Variants in RIOK3 observed in about 807,000 individuals in gnomAD.
RIOK3 encodes RIO kinase 3.
A neutral mutation model predicts 63.5 loss-of-function variants in RIOK3; 40 were observed. The ratio of observed to expected loss-of-function variants is 0.63; its 90% CI spans 0.49 to 0.82. RIOK3 has a LOEUF of 0.82. RIOK3 is among the 40% of genes least tolerant of loss of function. The pLI is 0.00. For synonymous variants in RIOK3, 193 were observed against 205.0 expected (o/e 0.94, Z 0.50); for missense variants, 557 against 637.0 (o/e 0.87, Z 1.35).
At chr18:23,475,386 C>A (rs2057482746) in intron 9 of RIOK3, among the ~76,000 whole-genome samples, 1 of 147,140 alleles carries the variant, frequency 6.8e-6, no homozygotes, top group South Asian at 2.1e-4. Flanking sequence ...TTGCTTGAAC[C>A]AGGGAGGTAG....
rs142282770 is a variant in RIOK3 at position 23,465,538 on chromosome 18, A to G, written c.544-595A>G. Among the ~76,000 whole-genome samples, 44 of 152,346 alleles carry G rather than the reference A, an allele frequency of 2.9e-4. 2 individuals are homozygous for G. The East Asian group carries it at 7.9e-3, about 27-fold the overall frequency. On this transcript the variant is annotated intron_variant, in intron 5 of 12. Coordinates refer to ENST00000339486, the MANE Select transcript of RIOK3 (RefSeq NM_003831.5). ...TCTAATTCTAGAAGAGTTCTGTCCAATAGAACTTTCTGTGGTAATGGAAAT... is the reference window on the plus strand; with the variant it reads ...TCTAATTCTAGAAGAGTTCTGTCCAGTAGAACTTTCTGTGGTAATGGAAAT...
intron 4 of RIOK3, 68 bp from the exon 5 acceptor site, chr18:23,464,451 A>G (rs938960365): frequency 1.6e-5 from 20 of 1,213,150 alleles, no homozygotes; most frequent in Non-Finnish European, 1.9e-5. Flanking sequence ...GTCTTTTCAG[A>G]CAACGTTGAA....
chr18:23,463,144 AT>A, intron 2 of RIOK3, 65 bp downstream of exon 2: 1 of 994,804 alleles, frequency 1.0e-6, no homozygotes, highest in East Asian at 2.5e-5. Flanking sequence ...TTGATGAGTA[AT>A]TGTCATGACA....
In RIOK3 at chr18:23,463,003, T is replaced by C. The variant is rs148323869; in HGVS notation, c.103T>C (p.Leu35=). 6.3e-5 allele frequency: 101 copies of C among 1,606,440 alleles called. No homozygotes were observed. The highest frequency in any genetic ancestry group is 8.5e-5 in the Non-Finnish European group (100 of 1,177,022). ...TCCTCAAAATACAATATCTTGTTCT[T>C]TGGCTGATGTAATGAGTGAACAGCT... ...AIPQNTISCS[L]ADVMSEQLAK... Residue 35 remains leucine, a synonymous_variant, in exon 2 of 13, where the codon TTG becomes CTG. Transcript: ENST00000339486.
intron 4 of RIOK3, 97 bp downstream of exon 4, chr18:23,464,410 C>T (rs2145678730): frequency 8.6e-7 from 1 of 1,167,426 alleles, no homozygotes; most frequent in Non-Finnish European, 1.2e-6. Flanking sequence ...TTCTTTGAAT[C>T]TCATTTGGTA....
intron 1 of RIOK3, among the ~76,000 whole-genome samples, chr18:23,455,634 G>A (rs12607968): frequency 0.31 from 46,330 of 150,812 alleles, 7,421 homozygotes; most frequent in East Asian, 0.39. Context: ...CTCGTGATCC[G>A]CCCACCTTGG....
intron 7 of RIOK3, among the ~76,000 whole-genome samples, chr18:23,470,234 C>T (rs1316934529): frequency 4.6e-5 from 7 of 151,934 alleles, no homozygotes; most frequent in South Asian, 2.1e-4. Context: ...GGCATGGTGG[C>T]GGGCATCTGT....
In RIOK3 at chr18:23,467,308, C is replaced by CCG. The variant is rs2057415978; in HGVS notation, c.688-90_688-89dup. On this transcript the variant is annotated intron_variant, in intron 6 of 12. Transcript: ENST00000339486. ...TAGCCTGGGTGACAAGAGCAAGACT[C>CCG]CGTCTCAAAAAAAAAAAGTTATTAG... The CCG allele has an allele frequency of 4.2e-6, 5 of 1,202,574 alleles. 1 individual carries two copies. The South Asian group carries it at 7.2e-5, about 17-fold the overall frequency. 74.5% of individuals were successfully genotyped at this position (1,202,574 alleles called of 1,614,324 possible).
In RIOK3 at chr18:23,482,209, A is replaced by G. The variant is rs949333928; in HGVS notation, c.*930A>G. 2.6e-5 allele frequency: 4 copies of G among 152,166 alleles called. No individual in the cohort carries two copies. The highest frequency in any genetic ancestry group is 7.2e-5 in the African/African-American group (3 of 41,446). The allele number at this position is 152,166 out of a possible 1,614,324, so 9.4% of individuals were successfully genotyped here. ...AATATTAAATCTAAGGATGAAAGGTATATATAAAACAATTTGGGGGCCAGG... is the reference window on the plus strand; with the variant it reads ...AATATTAAATCTAAGGATGAAAGGTGTATATAAAACAATTTGGGGGCCAGG... On this transcript the variant is annotated 3_prime_UTR_variant, in exon 13 of 13. Coordinates refer to ENST00000339486, the MANE Select transcript of RIOK3 (RefSeq NM_003831.5).
Position 23,470,170 on chromosome 18 carries a change from C to G in RIOK3, c.815+2644C>G, listed in dbSNP as rs572312568. On this transcript the variant is annotated intron_variant, in intron 7 of 12. Transcript: ENST00000339486. ...ACGAGGTCAGGAGATCGAGACGATC[C>G]TGGTTAACACGGTGAAACTCCGTCT... Among the ~76,000 whole-genome samples, 3 of 152,134 alleles carry G rather than the reference C, an allele frequency of 2.0e-5. No homozygotes were observed. In the South Asian group the frequency reaches 6.2e-4, roughly 32 times the overall value.
At chr18:23,465,984 A>G (rs2057404119) in intron 5 of RIOK3, 149 bp from the exon 6 acceptor site, 3 of 489,436 alleles carry the variant, frequency 6.1e-6, no homozygotes. Flanking sequence ...GAGTTATTTA[A>G]TTTTTTTCTC....
At chr18:23,479,571 TTTTC>T (rs1479365798) in intron 12 of RIOK3, 147 bp downstream of exon 12, 1 of 544,714 alleles carries the variant, frequency 1.8e-6, no homozygotes, top group African/African-American at 1.9e-5. Context: ...GTTTTTGGTT[TTTTC>T]TTTTTTTCTT....
At chr18:23,469,370 C>CCCTCT (rs1568384487) in intron 7 of RIOK3, among the ~76,000 whole-genome samples, 5 of 4,560 alleles carry the variant, frequency 1.1e-3, no homozygotes, top group African/African-American at 3.4e-3. Context: ...TCCCTCCCTC[C>CCCTCT]CTCCCTCCCC....
chr18:23,477,142 A>T, intron 10 of RIOK3, 37 bp from the exon 11 acceptor site: 1 of 1,611,926 alleles, frequency 6.2e-7, no homozygotes, highest in Non-Finnish European at 8.5e-7. Context: ...AAAATTTAAA[A>T]TGTAAATACA....
intron 1 of RIOK3, among the ~76,000 whole-genome samples, chr18:23,459,998 T>A (rs2057364577): frequency 1.3e-5 from 2 of 152,334 alleles, no homozygotes; most frequent in Admixed American, 1.3e-4. Flanking sequence ...ACGGCCTGAG[T>A]ATGCCATCTT....
chr18:23,467,114 G>A (rs1475617530), intron 6 of RIOK3, among the ~76,000 whole-genome samples: 3 of 152,072 alleles, frequency 2.0e-5, no homozygotes, highest in Non-Finnish European at 4.4e-5. Flanking sequence ...AGGAGTTCGA[G>A]ACCAGCCTGG....
At chr18:23,454,489 AT>A (rs752275660) in intron 1 of RIOK3, among the ~76,000 whole-genome samples, 1 of 152,198 alleles carries the variant, frequency 6.6e-6, no homozygotes, top group African/African-American at 2.4e-5. Context: ...TATTTTGTGT[AT>A]TTTTCCTTGA....
chr18:23,457,474 A>G (rs56970972), intron 1 of RIOK3, among the ~76,000 whole-genome samples: 3,095 of 152,330 alleles, frequency 0.02, 95 homozygotes, highest in African/African-American at 0.07. Context: ...TGTTAGAGAA[A>G]AACTAAGGAA....
At chr18:23,477,905 A>G (rs1013205798) in intron 11 of RIOK3, among the ~76,000 whole-genome samples, 1 of 151,810 alleles carries the variant, frequency 6.6e-6, no homozygotes, top group African/African-American at 2.4e-5. Flanking sequence ...CGCTGTCTGT[A>G]CGAAAAATAC....
Sources: allele counts gnomAD v4.1 joint callset (sites outside exome capture counted in the v4.1 genomes callset), GRCh38; gene constraint gnomAD v4.1.1; transcripts MANE v1.5; gene names NCBI Gene and HGNC (gene_info 2026-07-23, HGNC 2026-07-21).